PPID: variants seen among roughly 807,000 people sequenced by gnomAD.
The protein encoded by PPID is peptidyl-prolyl cis-trans isomerase D.
Under a neutral mutation model 48.1 loss-of-function variants are expected in PPID, and 47 were observed. The observed-to-expected ratio is 0.98, with a 90% CI of 0.77 to 1.25. The LOEUF (loss-of-function observed/expected upper bound fraction) is 1.25. Among genes scored for constraint, PPID ranks in the 50% most tolerant of loss-of-function variants. The pLI, the probability that PPID is intolerant of heterozygous loss-of-function variation, is 0.00. For synonymous variants in PPID, 163 were observed against 148.8 expected, an observed-to-expected ratio of 1.10 and a Z score of -0.69; for missense variants, 429 against 443.5, an observed-to-expected ratio of 0.97 and a Z score of 0.29.
Position 158,717,134 on chromosome 4 carries a change from T to G in PPID, c.400A>C (p.Ile134Leu). ...GRNTNGSQFF[I>L]TTVPTPHLDG... ...AAATGAGGAGTTGGAACTGTTGTGA[T>G]AAAAAACTGAGAACCGTTTGTGTTG... The change falls in exon 4 of 10, where the codon ATC becomes CTC. Residue 134 changes from isoleucine to leucine, a missense_variant. Transcript: ENST00000307720. 6.2e-7 allele frequency: 1 copy of G among 1,614,212 alleles called. No homozygotes were observed. The highest frequency in any genetic ancestry group is 8.5e-7 in the Non-Finnish European group (1 of 1,180,018).
At chr4:158,714,592 C>CTTT (rs113579328) in intron 6 of PPID, among the ~76,000 whole-genome samples, 1 of 141,980 alleles carries the variant, frequency 7.0e-6, no homozygotes. Flanking sequence ...ATATGGATTA[C>CTTT]TTTTTTTTTT....
chr4:158,710,018 A>C, intron 9 of PPID, 194 bp from the exon 10 acceptor site: 3 of 569,232 alleles, frequency 5.3e-6, no homozygotes, highest in Non-Finnish European at 9.3e-6. Context: ...CAACTGAGAG[A>C]ACTCAAGTAC....
At position 158,716,536 on chromosome 4, in the gene PPID, T is replaced by G. The variant is rs117073659; in HGVS notation, c.522+476A>C. On this transcript the variant is annotated intron_variant, in intron 4 of 9. Coordinates refer to ENST00000307720, the MANE Select transcript of PPID (RefSeq NM_005038.3). The stretch of plus-strand genomic sequence containing the variant: ...AAATCTCCTTTAAAACTACCCTAAT[T>G]GTCTTTCCCATTGTAGAAAAGTTAA... Among the ~76,000 whole-genome samples, 107 of 149,188 alleles carry G rather than the reference T, an allele frequency of 7.2e-4. 1 individual carries two copies. The East Asian group carries it at 0.019, about 27-fold the overall frequency.
chr4:158,716,909 C>T (rs1353104214), intron 4 of PPID, 103 bp downstream of exon 4: 53 of 1,203,264 alleles, frequency 4.4e-5, no homozygotes, highest in African/African-American at 6.2e-5. Flanking sequence ...TGCAGTGAGC[C>T]GAGACCGCAC....
At chr4:158,712,302 T>C (rs1255434195) in intron 7 of PPID, among the ~76,000 whole-genome samples, 2 of 152,160 alleles carry the variant, frequency 1.3e-5, no homozygotes, top group Non-Finnish European at 2.9e-5. Context: ...CCATTCTCCA[T>C]ACACAAGTCC....
chr4:158,715,543 C>G lies in PPID; in HGVS notation c.645+19G>C. 6.2e-7 allele frequency: 1 copy of G among 1,611,500 alleles called. No homozygotes were observed. Among genetic ancestry groups the G allele is most frequent in the Non-Finnish European group, 8.5e-7 (1 of 1,178,188 alleles). On this transcript the variant is annotated intron_variant, in intron 5 of 9. Transcript: ENST00000307720. ...ACTTACTAAATTAATTAAAGTTTGACTAATCTGAAAGTACTCACATCTTTT... is the reference window on the plus strand; with the variant it reads ...ACTTACTAAATTAATTAAAGTTTGAGTAATCTGAAAGTACTCACATCTTTT...
Position 158,719,218 on chromosome 4 carries a change from A to G in PPID, c.295T>C (p.Tyr99His), listed in dbSNP as rs765612772. The change falls in exon 3 of 10, where the codon TAT (tyrosine) becomes CAT (histidine). Residue 99 changes from tyrosine (Y) to histidine (H), a missense_variant. By Grantham distance (83) the Tyr-to-His change is moderately conservative. Transcript: ENST00000307720. ...TTTTCATCTTCAAATTTTTCACCAT[A>G]AATACTTTCTCCACCTGTCCCATTC... ...NQNGTGGESI[Y>H]GEKFEDENFH... 1 of 1,609,118 alleles carries G rather than the reference A, an allele frequency of 6.2e-7. No individual in the cohort carries two copies. The highest frequency in any genetic ancestry group is 8.5e-7 in the Non-Finnish European group (1 of 1,175,894).
chr4:158,716,777 G>C (rs181558782), intron 4 of PPID, among the ~76,000 whole-genome samples: 116 of 152,222 alleles, frequency 7.6e-4, no homozygotes, highest in Middle Eastern at 6.8e-3. Flanking sequence ...GGCCAACATG[G>C]TGAAACCCCG....
intron 7 of PPID, among the ~76,000 whole-genome samples, chr4:158,712,683 G>C (rs1209744499): frequency 6.6e-6 from 1 of 152,086 alleles, no homozygotes; most frequent in African/African-American, 2.4e-5. Context: ...CTTGAACCCG[G>C]GAGGCAGAGG....
At chr4:158,712,021 C>T (rs1204044232) in intron 7 of PPID, among the ~76,000 whole-genome samples, 3 of 152,046 alleles carry the variant, frequency 2.0e-5, no homozygotes, top group African/African-American at 7.2e-5. Context: ...TTGTATGATC[C>T]CTTCTAAATA....
intron 2 of PPID, 138 bp from the exon 3 acceptor site, chr4:158,719,424 G>A (rs191357162): frequency 1.8e-5 from 11 of 615,274 alleles, no homozygotes; most frequent in Middle Eastern, 3.6e-4. Flanking sequence ...CTCCCCACCC[G>A]TCTCCGCAAC....
rs767152547 is a variant in PPID at position 158,715,419 on chromosome 4, C to T, written c.646-16G>A. Reference sequence around the variant, plus strand: ...TTTTATCTACCTGTATAAAAAAATACAAATATGTTGGATTTTAGTAAGTAA... The same window carrying T: ...TTTTATCTACCTGTATAAAAAAATATAAATATGTTGGATTTTAGTAAGTAA... On this transcript the variant is annotated splice_polypyrimidine_tract_variant and intron_variant, in intron 5 of 9. Coordinates refer to ENST00000307720, the MANE Select transcript of PPID (RefSeq NM_005038.3). 3 of 1,489,624 alleles carry T rather than the reference C, an allele frequency of 2.0e-6. No individual in the cohort carries two copies. Among genetic ancestry groups the T allele is most frequent in the East Asian group, 2.5e-5 (1 of 40,604 alleles). The allele number at this position is 1,489,624 out of a possible 1,614,324, so 92.3% of individuals were successfully genotyped here.
chr4:158,709,960 C>T, intron 9 of PPID, 136 bp from the exon 10 acceptor site: 1 of 633,692 alleles, frequency 1.6e-6, no homozygotes, highest in South Asian at 2.0e-5. Flanking sequence ...AACAGAAAAT[C>T]TGAGCAATCA....
intron 1 of PPID, among the ~76,000 whole-genome samples, chr4:158,722,924 G>A (rs1774986929): frequency 6.6e-6 from 1 of 152,200 alleles, no homozygotes; most frequent in Admixed American, 6.5e-5. Context: ...AAGGTGGCGT[G>A]GAAGTGCCAC....
chr4:158,722,868 T>C (rs1158871626), intron 1 of PPID, among the ~76,000 whole-genome samples: 1 of 152,244 alleles, frequency 6.6e-6, no homozygotes, highest in African/African-American at 2.4e-5. Context: ...CTTTCCGAAC[T>C]GTCCCATTGC....
In PPID at chr4:158,715,670, T is replaced by C; in HGVS notation, c.537A>G (p.Ala179=). 2 of 1,609,822 alleles carry C rather than the reference T, an allele frequency of 1.2e-6. No homozygotes were observed. Among genetic ancestry groups the C allele is most frequent in the Non-Finnish European group, 1.7e-6 (2 of 1,176,048 alleles). The part of the protein sequence containing the change: ...GEKPAKLCVI[A]ECGELKEGDD... ...CTCCTTCCTTCAATTCTCCACATTC[T>C]GCAATAACGCACAACTGTAAAAATA... Residue 179 remains alanine (A), a synonymous_variant, in exon 5 of 10, where the codon GCA becomes GCG. Coordinates refer to ENST00000307720, the MANE Select transcript of PPID (RefSeq NM_005038.3).
intron 4 of PPID, 102 bp downstream of exon 4, chr4:158,716,910 G>A (rs948226420): frequency 2.5e-5 from 30 of 1,215,688 alleles, no homozygotes; most frequent in African/African-American, 1.1e-4. Context: ...GCAGTGAGCC[G>A]AGACCGCACC....
At chr4:158,722,024 A>C (rs1455853137) in intron 1 of PPID, among the ~76,000 whole-genome samples, 3 of 152,224 alleles carry the variant, frequency 2.0e-5, no homozygotes, top group Non-Finnish European at 4.4e-5. Context: ...TGAACATGGG[A>C]GTGCAGATAC....
intron 3 of PPID, among the ~76,000 whole-genome samples, chr4:158,717,508 GA>G (rs539175458): frequency 1.7e-3 from 259 of 152,200 alleles, no homozygotes; most frequent in African/African-American, 6.0e-3. Context: ...TTGGCCATGA[GA>G]AAATACTTAC....
Sources: gnomAD v4.1 joint callset for allele counts (sites outside exome capture counted in the v4.1 genomes callset) on GRCh38, gnomAD v4.1.1 for gene constraint, MANE v1.5 for transcripts, NCBI Gene and HGNC (gene_info 2026-07-23, HGNC 2026-07-21) for gene names.